Variants in MED12L observed in about 807,000 individuals in gnomAD.
The protein encoded by MED12L is mediator complex subunit 12L.
Under a neutral mutation model 281.3 loss-of-function variants are expected in MED12L, and 60 were observed. The observed-to-expected ratio is 0.21, with a 90% CI of 0.17 to 0.26. MED12L has a LOEUF of 0.26. Among genes scored for constraint, MED12L ranks in the 10% least tolerant of loss-of-function variants. The probability of loss-of-function intolerance (pLI) is 1.00; values close to 1 mark genes in which losing one functional copy is unlikely to be tolerated. For missense variants in MED12L, 2,146 were observed against 2,680.9 expected, an observed-to-expected ratio of 0.80 and a Z score of 4.41; for synonymous variants, 974 against 987.2, an observed-to-expected ratio of 0.99 and a Z score of 0.25.
At chr3:151,417,866 C>A (rs572738429) in intron 43 of MED12L, among the ~76,000 whole-genome samples, 1 of 152,270 alleles carries the variant, frequency 6.6e-6, no homozygotes, top group Admixed American at 6.5e-5. Flanking sequence ...TTACTGCAAT[C>A]TACTTCAGAA....
rs1463930246 is a variant in MED12L at position 151,122,969 on chromosome 3, A to G, written c.391A>G (p.Lys131Glu). ...AAATAAGCCACTTTCTATTTTGGCA[A>G]AAAAGGTATCAAATATTTCTTACAT... ...AGNKPLSILA[K>E]KVPILSKKED... The change falls in exon 4 of 45, where the codon AAA (lysine) becomes GAA (glutamate). Residue 131 changes from lysine (K) to glutamate (E), a missense_variant. This residue lies in a region of MED12L where 722 missense variants were observed against 861.2 expected (regional missense o/e 0.84). Coordinates refer to ENST00000687756, the MANE Select transcript of MED12L (RefSeq NM_001393769.1). 3.1e-6 allele frequency: 5 copies of G among 1,603,078 alleles called. No homozygotes were observed. The highest frequency in any genetic ancestry group is 2.3e-5 in the South Asian group (2 of 88,724).
chr3:151,417,626 C>T lies in MED12L; in HGVS notation c.6408+1204C>T, dbSNP rs541341278. On this transcript the variant is annotated intron_variant, in intron 43 of 44. Transcript: ENST00000687756. ...TCAGCCTCCCAAGTAGCTGGGATTA[C>T]AGGCACCTGCCACCACACCCAGCTA... Among the ~76,000 whole-genome samples, 379 of 151,478 alleles carry T rather than the reference C, an allele frequency of 2.5e-3. 4 individuals are homozygous for T. Among genetic ancestry groups the T allele is most frequent in the Non-Finnish European group, 1.7e-3 (113 of 67,900 alleles).
At chr3:151,141,187 G>GTTTTGTTTTTTTGTTTTT (rs1716934388) in intron 5 of MED12L, among the ~76,000 whole-genome samples, 4 of 99,124 alleles carry the variant, frequency 4.0e-5, no homozygotes, top group African/African-American at 1.4e-4. Context: ...TGTTTTTTTT[G>GTTTTGTTTTTTTGTTTTT]TTTTTTTTTT....
chr3:151,234,647 G>C (rs1431497391), intron 16 of MED12L, among the ~76,000 whole-genome samples: 1 of 152,240 alleles, frequency 6.6e-6, no homozygotes. Context: ...TAAGTTCCCA[G>C]ATATGGTAAT....
chr3:151,177,797 A>C (rs1413364897), intron 11 of MED12L, among the ~76,000 whole-genome samples: 1 of 152,178 alleles, frequency 6.6e-6, no homozygotes, highest in Non-Finnish European at 1.5e-5. Flanking sequence ...CTGGCCAATA[A>C]ATATTTTTTA....
intron 16 of MED12L, chr3:151,295,046 A>G: frequency 6.2e-7 from 1 of 1,613,164 alleles, no homozygotes; most frequent in Non-Finnish European, 8.5e-7. Context: ...AATGTGGAAG[A>G]AGATCCACAC....
intron 16 of MED12L, chr3:151,329,073 A>AT: frequency 8.2e-7 from 1 of 1,222,412 alleles, no homozygotes; most frequent in African/African-American, 1.5e-5. Flanking sequence ...TTCAAATGCT[A>AT]TTTTTTAAAA....
intron 3 of MED12L, among the ~76,000 whole-genome samples, chr3:151,120,563 A>G (rs998479081): frequency 6.6e-6 from 1 of 152,226 alleles, no homozygotes; most frequent in Non-Finnish European, 1.5e-5. Flanking sequence ...AGCTTTCTGT[A>G]TACAGATAAG....
chr3:151,130,670 T>C (rs1449277212), intron 5 of MED12L, among the ~76,000 whole-genome samples: 2 of 152,190 alleles, frequency 1.3e-5, no homozygotes, highest in African/African-American at 2.4e-5. Context: ...TGGGCGCGGC[T>C]CTTCCTTCAC....
At chr3:151,133,813 A>G (rs1343881462) in intron 5 of MED12L, among the ~76,000 whole-genome samples, 1 of 152,248 alleles carries the variant, frequency 6.6e-6, no homozygotes. Flanking sequence ...AAAACAGGCT[A>G]GCTAATACTT....
intron 16 of MED12L, among the ~76,000 whole-genome samples, chr3:151,305,068 C>T (rs1219488156): frequency 6.6e-6 from 1 of 152,182 alleles, no homozygotes; most frequent in African/African-American, 2.4e-5. Flanking sequence ...TACCTGCCTG[C>T]TGTCTTTCTG....
intron 16 of MED12L, among the ~76,000 whole-genome samples, chr3:151,238,556 T>C (rs1733402786): frequency 6.6e-6 from 1 of 152,242 alleles, no homozygotes; most frequent in African/African-American, 2.4e-5. Context: ...AAGATGTTGC[T>C]ATTTTCATCG....
chr3:151,264,022 G>C (rs1290157212), intron 16 of MED12L, among the ~76,000 whole-genome samples: 1 of 152,164 alleles, frequency 6.6e-6, no homozygotes, highest in East Asian at 1.9e-4. Flanking sequence ...GTATATCATG[G>C]TGACTTTTCC....
At chr3:151,308,243 CCTA>C (rs1395492825) in intron 16 of MED12L, among the ~76,000 whole-genome samples, 1 of 151,700 alleles carries the variant, frequency 6.6e-6, no homozygotes, top group Non-Finnish European at 1.5e-5. Context: ...GAGTAAAATT[CCTA>C]CTACTCACAT....
At chr3:151,309,141 G>GCA (rs1553775156) in intron 16 of MED12L, among the ~76,000 whole-genome samples, 53,823 of 147,330 alleles carry the variant, frequency 0.37, 10,079 homozygotes, top group East Asian at 0.5. Context: ...ACACACACAC[G>GCA]CACACACACA....
At chr3:151,313,717 G>A (rs1424723266) in intron 16 of MED12L, among the ~76,000 whole-genome samples, 4 of 152,028 alleles carry the variant, frequency 2.6e-5, no homozygotes, top group East Asian at 1.9e-4. Flanking sequence ...GGTCGTGGGC[G>A]CCTATAATCC....
At chr3:151,355,082 T>C in intron 17 of MED12L, 39 bp from the exon 18 acceptor site, 1 of 1,493,920 alleles carries the variant, frequency 6.7e-7, no homozygotes, top group South Asian at 1.2e-5. Flanking sequence ...AGAGCTTCTA[T>C]TAAATGGAAA....
chr3:151,155,029 A>C (rs1421528281), intron 5 of MED12L, among the ~76,000 whole-genome samples: 1 of 152,254 alleles, frequency 6.6e-6, no homozygotes, highest in East Asian at 1.9e-4. Context: ...TGAAAACTTA[A>C]CAGTAGTTAT....
At chr3:151,116,233 C>T (rs1196649075) in intron 2 of MED12L, 105 bp from the exon 3 acceptor site, 8 of 715,428 alleles carry the variant, frequency 1.1e-5, no homozygotes, top group Admixed American at 2.7e-5. Flanking sequence ...CAAGAGTTCT[C>T]CTCTACAGAG....
Sources: gnomAD v4.1 joint callset for allele counts (sites outside exome capture counted in the v4.1 genomes callset) on GRCh38, gnomAD v4.1.1 for gene constraint, gnomAD v4.1.1 regional missense constraint, MANE v1.5 for transcripts, NCBI Gene and HGNC (gene_info 2026-07-23, HGNC 2026-07-21) for gene names.